SLC22A9: variants seen among roughly 807,000 people sequenced by gnomAD.
SLC22A9 encodes organic anion transporter 7.
A neutral mutation model predicts 50.1 loss-of-function variants in SLC22A9; 64 were observed. That is an observed-to-expected ratio of 1.28 (90% confidence interval 1.04 to 1.57). The LOEUF is 1.57. Among genes scored for constraint, SLC22A9 ranks in the 40% most tolerant of loss-of-function variants. The pLI, the probability that SLC22A9 is intolerant of heterozygous loss-of-function variation, is 0.00. For synonymous variants in SLC22A9, 261 were observed against 242.5 expected, an observed-to-expected ratio of 1.08 and a Z score of -0.71; for missense variants, 757 against 676.1, an observed-to-expected ratio of 1.12 and a Z score of -1.33.
chr11:63,405,508 CA>C (rs1326272565), intron 6 of SLC22A9, among the ~76,000 whole-genome samples: 1 of 152,112 alleles, frequency 6.6e-6, no homozygotes, highest in Admixed American at 6.6e-5. Context: ...TGCTAATAAA[CA>C]AAACCATCAC....
At position 63,408,200 on chromosome 11, in the gene SLC22A9, A is replaced by C. The variant is rs774812227; in HGVS notation, c.1377A>C (p.Glu459Asp). 1 of 1,613,642 alleles carries C rather than the reference A, an allele frequency of 6.2e-7. No homozygotes were observed. Among genetic ancestry groups the C allele is most frequent in the Non-Finnish European group, 8.5e-7 (1 of 1,179,684 alleles). Residue 459 changes from glutamate to aspartate, a missense_variant, in exon 8 of 10, where the codon GAA becomes GAC. Transcript: ENST00000279178. Reference sequence around the variant, plus strand: ...CCCTTGCTTTTGCCCATGGAAATGAAGTAATTCCCACCATAATCAGGTACA... The same window carrying C: ...CCCTTGCTTTTGCCCATGGAAATGACGTAATTCCCACCATAATCAGGTACA... ...ANTLAFAHGN[E>D]VIPTIIRARA...
intron 2 of SLC22A9, 37 bp downstream of exon 2, chr11:63,371,275 T>A (rs767888064): frequency 1.7e-4 from 244 of 1,434,256 alleles, no homozygotes; most frequent in Non-Finnish European, 2.3e-4. Flanking sequence ...TTTAAGGGCA[T>A]TTTTTATCAA....
At chr11:63,398,879 A>G (rs73485817) in intron 6 of SLC22A9, among the ~76,000 whole-genome samples, 2,140 of 152,288 alleles carry the variant, frequency 0.014, 60 homozygotes, top group African/African-American at 0.049. Context: ...AGATGACCTT[A>G]GAGGCTTCTA....
At chr11:63,375,462 T>G (rs914403671) in intron 4 of SLC22A9, among the ~76,000 whole-genome samples, 183 bp from the exon 5 acceptor site, 5 of 152,132 alleles carry the variant, frequency 3.3e-5, no homozygotes, top group African/African-American at 1.2e-4. Flanking sequence ...GAATATGTAC[T>G]GGATGGAGGA....
rs772590237 is a variant in SLC22A9, at chr11:63,370,330, G to A, written c.274G>A (p.Val92Ile). 1.2e-5 allele frequency: 20 copies of A among 1,613,872 alleles called. No homozygotes were observed. The highest frequency in any genetic ancestry group is 1.3e-5 in the African/African-American group (1 of 74,898). The change falls in exon 1 of 10, where the codon GTT becomes ATT. Residue 92 changes from valine to isoleucine, a missense_variant. Val to Ile is a conservative substitution (Grantham distance 29). Transcript: ENST00000279178. ...GAGGCCAGAGAAGTGTCGTCGCTTTGTTCATCCTCAGTGGCAGCTCCTTCA... is the reference window on the plus strand; with the variant it reads ...GAGGCCAGAGAAGTGTCGTCGCTTTATTCATCCTCAGTGGCAGCTCCTTCA... ...NMRPEKCRRFVHPQWQLLHLN... is the reference protein window; with the variant it reads ...NMRPEKCRRFIHPQWQLLHLN...
intron 6 of SLC22A9, among the ~76,000 whole-genome samples, chr11:63,385,401 G>A (rs1030476441): frequency 5.9e-5 from 9 of 151,974 alleles, no homozygotes; most frequent in Admixed American, 1.3e-4. Context: ...CCATTTTCAC[G>A]ATATTGATTC....
chr11:63,370,717 T>C (rs1045966188), intron 1 of SLC22A9, among the ~76,000 whole-genome samples: 2 of 152,198 alleles, frequency 1.3e-5, no homozygotes, highest in Non-Finnish European at 2.9e-5. Context: ...ATATAATATG[T>C]TAAAATGTTC....
chr11:63,370,843 G>A (rs2014342470), intron 1 of SLC22A9, among the ~76,000 whole-genome samples: 1 of 152,260 alleles, frequency 6.6e-6, no homozygotes, highest in Non-Finnish European at 1.5e-5. Flanking sequence ...GTCTAAGAGG[G>A]AAATTTAGGT....
rs1591030967 is a variant in SLC22A9 at position 63,408,970 on chromosome 11, C to T, written c.1601+91C>T. 3.0e-6 allele frequency: 4 copies of T among 1,352,248 alleles called. No homozygotes were observed. In the South Asian group the frequency reaches 3.6e-5, roughly 12 times the overall value. The allele number at this position is 1,352,248 out of a possible 1,614,324, so 83.8% of individuals were successfully genotyped here. A position where few individuals can be genotyped will look rare whatever the true frequency, so the allele number is the denominator to read the frequency against. ...AAATACCATTTAGGGCCACTGTCCT[C>T]TCAAAAGGCTTAGACTTAGGATTTT... is the stretch of plus-strand genomic sequence containing the variant. On this transcript the variant is annotated intron_variant, in intron 9 of 9. Coordinates refer to ENST00000279178, the MANE Select transcript of SLC22A9 (RefSeq NM_080866.3).
At chr11:63,386,914 G>A (rs191541695) in intron 6 of SLC22A9, among the ~76,000 whole-genome samples, 195 of 151,786 alleles carry the variant, frequency 1.3e-3, no homozygotes, top group Admixed American at 2.9e-3. Flanking sequence ...TCTGATCTTG[G>A]TTATATCTTG....
intron 4 of SLC22A9, among the ~76,000 whole-genome samples, chr11:63,374,960 C>T (rs1285214562): frequency 6.6e-6 from 1 of 152,158 alleles, no homozygotes; most frequent in Non-Finnish European, 1.5e-5. Context: ...GTTAACTATA[C>T]TCTCCCCTTA....
At position 63,370,476 on chromosome 11, in the gene SLC22A9, C is replaced by G; in HGVS notation, c.402+18C>G. The G allele has an allele frequency of 1.3e-6, 2 of 1,549,422 alleles. No individual in the cohort carries two copies. The highest frequency in any genetic ancestry group is 2.0e-5 in the Admixed American group (1 of 50,020). On this transcript the variant is annotated intron_variant, in intron 1 of 9. Transcript: ENST00000279178. ...TGACTGAGGTAAGAGGCTCTGTTCT[C>G]GTCTCATGAGTATGTGACCTGGGTG...
chr11:63,370,370 T>A lies in SLC22A9; in HGVS notation c.314T>A (p.Phe105Tyr). ...CAGCTCCTTCACCTGAATGGGACCT[T>A]CCCCAACACAAGTGACGCAGACATG... ...QWQLLHLNGT[F>Y]PNTSDADMEP... The change falls in exon 1 of 10, where the codon TTC (phenylalanine) becomes TAC (tyrosine). Residue 105 changes from phenylalanine (F) to tyrosine (Y), a missense_variant. Coordinates refer to ENST00000279178, the MANE Select transcript of SLC22A9 (RefSeq NM_080866.3). 1 of 1,613,948 alleles carries A rather than the reference T, an allele frequency of 6.2e-7. No homozygotes were observed. The highest frequency in any genetic ancestry group is 8.5e-7 in the Non-Finnish European group (1 of 1,179,870).
At chr11:63,395,112 A>T (rs375765747) in intron 6 of SLC22A9, among the ~76,000 whole-genome samples, 1 of 151,766 alleles carries the variant, frequency 6.6e-6, no homozygotes, top group East Asian at 1.9e-4. Flanking sequence ...TCTTTATGCT[A>T]TCTATTTCCT....
intron 6 of SLC22A9, among the ~76,000 whole-genome samples, chr11:63,395,114 C>G (rs1043862951): frequency 6.6e-6 from 1 of 151,944 alleles, no homozygotes. Context: ...TTTATGCTAT[C>G]TATTTCCTTG....
intron 8 of SLC22A9, 57 bp downstream of exon 8, chr11:63,408,277 G>T: frequency 1.5e-6 from 2 of 1,359,186 alleles, no homozygotes; most frequent in South Asian, 2.4e-5. Context: ...TCAGATAATT[G>T]ACACTTTTTG....
At position 63,409,842 on chromosome 11, in the gene SLC22A9, G is replaced by A. The variant is rs1303048271; in HGVS notation, c.1642G>A (p.Val548Met). Reference protein sequence around the residue: ...PREPKQEDPRVEVTQF With the variant: ...PREPKQEDPRMEVTQF The stretch of plus-strand genomic sequence containing the variant: ...AGAACCAAAGCAAGAGGATCCGAGA[G>A]TGGAAGTGACGCAGTTTTAAGGAAT... The change falls in exon 10 of 10, where the codon GTG (valine) becomes ATG (methionine). Residue 548 changes from valine to methionine, a missense_variant. Transcript: ENST00000279178. The A allele has an allele frequency of 6.2e-7, 1 of 1,613,724 alleles. No individual in the cohort carries two copies. Among genetic ancestry groups the A allele is most frequent in the Middle Eastern group, 1.7e-4 (1 of 6,054 alleles).
intron 6 of SLC22A9, among the ~76,000 whole-genome samples, chr11:63,401,054 G>T (rs1277117080): frequency 6.6e-6 from 1 of 151,870 alleles, no homozygotes; most frequent in Non-Finnish European, 1.5e-5. Flanking sequence ...CATAGAGAAT[G>T]GGGAAAAAAA....
intron 6 of SLC22A9, among the ~76,000 whole-genome samples, chr11:63,405,914 A>T (rs1285408805): frequency 6.6e-6 from 1 of 152,180 alleles, no homozygotes; most frequent in African/African-American, 2.4e-5. Context: ...CAAAAAATTA[A>T]TGACAATTAT....
Sources: gnomAD v4.1 joint callset for allele counts (sites outside exome capture counted in the v4.1 genomes callset) on GRCh38, gnomAD v4.1.1 for gene constraint, MANE v1.5 for transcripts, NCBI Gene and HGNC (gene_info 2026-07-23, HGNC 2026-07-21) for gene names.